CACNA1H: variants seen among roughly 807,000 people sequenced by gnomAD.
CACNA1H encodes voltage-dependent T-type calcium channel subunit alpha-1H.
In CACNA1H, 149 loss-of-function variants were observed where a neutral mutation model predicts 192.5. That is an observed-to-expected ratio of 0.77 (90% CI 0.68 to 0.89). The LOEUF (loss-of-function observed/expected upper bound fraction) is 0.89, where lower values mean the gene tolerates loss of function less well. Ranked by LOEUF, CACNA1H falls within the 40% of genes least tolerant of loss-of-function variation. The pLI is 0.00. For synonymous variants in CACNA1H, 2,202 were observed against 1,475.2 expected (o/e 1.49, Z -11.29); for missense variants, 4,257 against 3,423.5 (o/e 1.24, Z -6.08).
At chr16:1,200,642 C>G (rs943269151) in intron 7 of CACNA1H, 71 bp downstream of exon 7, 1 of 1,588,256 alleles carries the variant, frequency 6.3e-7, no homozygotes, top group African/African-American at 1.3e-5. Context: ...TCGCCCCCCC[C>G]AGCCCAGACC....
At chr16:1,201,413 C>T (rs888539016) in intron 8 of CACNA1H, among the ~76,000 whole-genome samples, 5 of 152,124 alleles carry the variant, frequency 3.3e-5, no homozygotes, top group African/African-American at 1.2e-4. Context: ...AGGGGCCGAG[C>T]CACATGGAGA....
intron 9 of CACNA1H, 88 bp downstream of exon 9, chr16:1,202,540 G>A: frequency 8.3e-7 from 1 of 1,197,656 alleles, no homozygotes; most frequent in East Asian, 2.6e-5. Flanking sequence ...CACACCCATT[G>A]TGGGCACTCT....
rs551267858 is a variant in CACNA1H, at chr16:1,211,365, A to G, written c.4350+71A>G. On this transcript the variant is annotated intron_variant, in intron 22 of 34. Transcript: ENST00000348261. ...GGTCTGCCTTCCCAGCGTGGCTCCC[A>G]GCAGCGCCGCTGCGGGACGGGGAGG... 4 of 1,607,412 alleles carry G rather than the reference A, an allele frequency of 2.5e-6. No individual in the cohort carries two copies. In the Admixed American group the frequency reaches 6.7e-5, roughly 27 times the overall value.
At position 1,211,222 on chromosome 16, in the gene CACNA1H, A is replaced by G. The variant is rs2753325; in HGVS notation, c.4278A>G (p.Ser1426=). 0.61 allele frequency: 983,965 copies of G among 1,612,144 alleles called. 304,915 individuals carry two copies. The highest frequency in any genetic ancestry group is 0.9 in the East Asian group (40,317 of 44,838). Residue 1426 remains serine (S), a synonymous_variant, in exon 22 of 35, where the codon TCA becomes TCG. Coordinates refer to ENST00000348261, the MANE Select transcript of CACNA1H (RefSeq NM_021098.3). ...LKLVVETLIS[S]LRPIGNIVLI... is the part of the protein sequence containing the mutation. Reference sequence around the variant, plus strand: ...TGGTGGTGGAGACGCTGATATCATCACTCAGGCCCATTGGGAACATCGTCC... The same window carrying G: ...TGGTGGTGGAGACGCTGATATCATCGCTCAGGCCCATTGGGAACATCGTCC...
At chr16:1,193,062 G>A (rs889146570) in intron 2 of CACNA1H, among the ~76,000 whole-genome samples, 4 of 152,176 alleles carry the variant, frequency 2.6e-5, no homozygotes, top group Non-Finnish European at 5.9e-5. Context: ...AGCCAGGCTG[G>A]GGTAGAGTGC....
Position 1,213,820 on chromosome 16 carries a change from G to GCGCCGCTCCATTCACT in CACNA1H, c.4822_4837dup (p.Leu1613ProfsTer33). ...CCTACTATGCCGACTACTCGCCCAC[G>GCGCCGCTCCATTCACT]CGCCGCTCCATTCACTCGCTGTGCA... On this transcript the variant is annotated frameshift_variant, in exon 27 of 35. Coordinates refer to ENST00000348261, the MANE Select transcript of CACNA1H (RefSeq NM_021098.3). LOFTEE classifies it high-confidence loss of function. 6.3e-7 allele frequency: 1 copy of GCGCCGCTCCATTCACT among 1,585,778 alleles called. No homozygotes were observed. The highest frequency in any genetic ancestry group is 8.6e-7 in the Non-Finnish European group (1 of 1,167,538).
intron 2 of CACNA1H, among the ~76,000 whole-genome samples, chr16:1,185,501 T>TTC (rs1555506206): frequency 3.4e-5 from 4 of 117,132 alleles, no homozygotes; most frequent in Non-Finnish European, 7.5e-5. Context: ...ATCTGCAGAG[T>TTC]CCCCCCCCCC....
intron 23 of CACNA1H, 31 bp from the exon 24 acceptor site, chr16:1,211,685 C>A (rs748687657): frequency 3.7e-6 from 6 of 1,612,006 alleles, no homozygotes; most frequent in Admixed American, 3.3e-5. Context: ...CAGCTCTAAC[C>A]CTCGCCAGTG....
At chr16:1,193,945 C>T (rs1966828960) in intron 2 of CACNA1H, among the ~76,000 whole-genome samples, 1 of 152,146 alleles carries the variant, frequency 6.6e-6, no homozygotes, top group Non-Finnish European at 1.5e-5. Context: ...GACACTCAGA[C>T]CCTGACCCCA....
intron 16 of CACNA1H, among the ~76,000 whole-genome samples, chr16:1,208,747 G>A (rs1171261515): frequency 6.6e-6 from 1 of 152,166 alleles, no homozygotes; most frequent in Non-Finnish European, 1.5e-5. Flanking sequence ...TGTGCTCCTG[G>A]GGACACGGGG....
intron 2 of CACNA1H, among the ~76,000 whole-genome samples, chr16:1,173,224 T>C (rs1964539492): frequency 1.3e-5 from 2 of 151,994 alleles, no homozygotes; most frequent in African/African-American, 4.8e-5. Flanking sequence ...GGGGTGCTGG[T>C]GGCCAGGCAG....
At position 1,153,924 on chromosome 16, in the gene CACNA1H, G is replaced by A; in HGVS notation, c.187G>A (p.Gly63Ser). ...GGCGGCCGAGCGCGGCGCGGAGCTG[G>A]GTGCCGACGAGGAGCAGCGCGTCCC... Reference protein sequence around the residue: ...SPAAERGAELGADEEQRVPYP... With the variant: ...SPAAERGAELSADEEQRVPYP... Residue 63 changes from glycine to serine, a missense_variant, in exon 2 of 35, where the codon GGT becomes AGT. Transcript: ENST00000348261. 1 of 1,457,504 alleles carries A rather than the reference G, an allele frequency of 6.9e-7. No individual in the cohort carries two copies. Among genetic ancestry groups the A allele is most frequent in the Non-Finnish European group, 9.0e-7 (1 of 1,105,868 alleles). 90.3% of individuals were successfully genotyped at this position (1,457,504 alleles called of 1,614,324 possible).
At chr16:1,216,350 G>C (rs1970027208) in intron 30 of CACNA1H, among the ~76,000 whole-genome samples, 1 of 152,270 alleles carries the variant, frequency 6.6e-6, no homozygotes, top group Non-Finnish European at 1.5e-5. Flanking sequence ...CAGCTGTGCA[G>C]AGAAGGGGCG....
rs1339602805 is a variant in CACNA1H, at chr16:1,167,371, C to T, written c.299+13335C>T. On this transcript the variant is annotated intron_variant, in intron 2 of 34. Transcript: ENST00000348261. This position sits in a 1 kb window ranked among gnomAD's most constrained non-coding sequence, Gnocchi z 4.2. ...CGGAGCGGGCGGGGTGGCGCCCGGG[C>T]CGCGGGTGGGAGAATCTGGCGTGTG... Among the ~76,000 whole-genome samples the T allele has an allele frequency of 6.6e-6, 1 of 152,092 alleles. No individual in the cohort carries two copies. Among genetic ancestry groups the T allele is most frequent in the African/African-American group, 2.4e-5 (1 of 41,370 alleles).
rs2141401012 is a variant in CACNA1H at position 1,219,225 on chromosome 16, A to G, written c.6048+95A>G. 3.2e-6 allele frequency: 4 copies of G among 1,250,778 alleles called. No individual in the cohort carries two copies. The East Asian group carries it at 1.0e-4, about 32-fold the overall frequency. 77.5% of individuals were successfully genotyped at this position (1,250,778 alleles called of 1,614,324 possible). A position where few individuals can be genotyped will look rare whatever the true frequency, so the allele number is the denominator to read the frequency against. ...TCTGAAGGACCAGCAGACGAGGACA[A>G]GGCAGGAGGAGGGTCGCACTGGGTC... is the stretch of plus-strand genomic sequence containing the variant. On this transcript the variant is annotated intron_variant, in intron 34 of 34. Coordinates refer to ENST00000348261, the MANE Select transcript of CACNA1H (RefSeq NM_021098.3).
intron 9 of CACNA1H, among the ~76,000 whole-genome samples, chr16:1,203,023 T>G (rs74002014): frequency 0.014 from 2,108 of 151,536 alleles, 59 homozygotes; most frequent in African/African-American, 0.049. Flanking sequence ...CACACGGGCC[T>G]GGGGGCCCTT....
chr16:1,197,195 T>C (rs1967086167), intron 5 of CACNA1H, among the ~76,000 whole-genome samples: 1 of 152,206 alleles, frequency 6.6e-6, no homozygotes, highest in Non-Finnish European at 1.5e-5. Context: ...ACTGTGTGAC[T>C]CTGAGCAACT....
At chr16:1,207,690 C>A in intron 14 of CACNA1H, 80 bp from the exon 15 acceptor site, 1 of 1,298,110 alleles carries the variant, frequency 7.7e-7, no homozygotes, top group South Asian at 1.3e-5. Context: ...ACCTCCCAGG[C>A]CAGCCCAGAC....
rs370574769 is a variant in CACNA1H at position 1,210,931 on chromosome 16, C to T, written c.4183C>T (p.Leu1395=). 6.2e-7 allele frequency: 1 copy of T among 1,601,300 alleles called. No homozygotes were observed. Among genetic ancestry groups the T allele is most frequent in the South Asian group, 1.1e-5 (1 of 91,018 alleles). The change falls in exon 21 of 35, where the codon CTG becomes TTG. Residue 1395 remains leucine (L), a synonymous_variant. Transcript: ENST00000348261. ...SAGGAKILGV[L]RVLRLLRTLR... is the part of the protein sequence containing the mutation. ...TGGTGGCGCCAAGATCCTGGGTGTT[C>T]TGCGCGTGCTGCGTCTGCTGCGGAC...
Sources: allele counts gnomAD v4.1 joint callset (sites outside exome capture counted in the v4.1 genomes callset), GRCh38; gene constraint gnomAD v4.1.1; non-coding constraint Gnocchi (gnomAD v3.1); transcripts MANE v1.5; gene names NCBI Gene and HGNC (gene_info 2026-07-23, HGNC 2026-07-21).